Variants in IGF1R observed in about 807,000 individuals in gnomAD.
The protein encoded by IGF1R is insulin-like growth factor 1 receptor.
A neutral mutation model predicts 144.6 loss-of-function variants in IGF1R; 44 were observed. That is an observed-to-expected ratio of 0.30 (90% CI 0.24 to 0.39). The LOEUF (loss-of-function observed/expected upper bound fraction) is 0.39. Among genes scored for constraint, IGF1R ranks in the 10% least tolerant of loss-of-function variants. The pLI is 1.00. For missense variants in IGF1R, 1,355 were observed against 1,833.7 expected, an observed-to-expected ratio of 0.74 and a Z score of 4.77; for synonymous variants, 795 against 722.8, an observed-to-expected ratio of 1.10 and a Z score of -1.60.
At chr15:98,706,396 A>G (rs1167262403) in intron 1 of IGF1R, among the ~76,000 whole-genome samples, 2 of 152,270 alleles carry the variant, frequency 1.3e-5, no homozygotes, top group African/African-American at 2.4e-5. Flanking sequence ...AATTTAGAAA[A>G]TAAGTCATCC....
At chr15:98,908,272 G>C (rs74032103) in intron 5 of IGF1R, among the ~76,000 whole-genome samples, 1,894 of 152,314 alleles carry the variant, frequency 0.012, 55 homozygotes, top group African/African-American at 0.044. Flanking sequence ...TGGATAATGG[G>C]AGACTTTAGA....
intron 2 of IGF1R, among the ~76,000 whole-genome samples, chr15:98,730,864 A>T (rs1409620753): frequency 2.0e-5 from 3 of 152,180 alleles, no homozygotes; most frequent in African/African-American, 7.2e-5. Flanking sequence ...TTACAGAAAT[A>T]TTAAAGAATA....
chr15:98,670,366 T>C (rs888569955), intron 1 of IGF1R, among the ~76,000 whole-genome samples: 7 of 151,968 alleles, frequency 4.6e-5, no homozygotes, highest in Admixed American at 4.6e-4. Flanking sequence ...ACTTTAAAAA[T>C]GTATTTTGGG....
chr15:98,941,028 A>G (rs955257644), intron 18 of IGF1R, among the ~76,000 whole-genome samples: 1 of 152,168 alleles, frequency 6.6e-6, no homozygotes, highest in Non-Finnish European at 1.5e-5. Context: ...TAGAACTCAC[A>G]TTGTCCCCGT....
rs760639369 is a variant in IGF1R at position 98,924,613 on chromosome 15, G to A, written c.2711G>A (p.Arg904Gln). 12 of 1,614,004 alleles carry A rather than the reference G, an allele frequency of 7.4e-6. No individual in the cohort carries two copies. The highest frequency in any genetic ancestry group is 2.2e-5 in the South Asian group (2 of 91,094). The change falls in exon 13 of 21, where the codon CGG becomes CAG. Residue 904 changes from arginine (R) to glutamine (Q), a missense_variant. Arg to Gln is a conservative substitution (Grantham distance 43, BLOSUM62 1). Around this residue, in one of 7 missense-constraint regions of IGF1R, gnomAD observed 880 missense variants for 1,202.7 expected, o/e 0.73. Coordinates refer to ENST00000650285, the MANE Select transcript of IGF1R (RefSeq NM_000875.5). ...NRLNPGNYTA[R>Q]IQATSLSGNG... ...CTAAACCCGGGGAACTACACAGCCC[G>A]GATTCAGGCCACATCTCTCTCTGGG...
At chr15:98,728,017 T>TTG (rs1488272042) in intron 2 of IGF1R, among the ~76,000 whole-genome samples, 6 of 150,500 alleles carry the variant, frequency 4.0e-5, no homozygotes, top group East Asian at 3.9e-4. Context: ...GTTTTTTTTT[T>TTG]TTTTTTTTTT....
At chr15:98,717,994 C>T (rs1001081147) in intron 2 of IGF1R, among the ~76,000 whole-genome samples, 4 of 152,088 alleles carry the variant, frequency 2.6e-5, no homozygotes, top group African/African-American at 9.7e-5. Flanking sequence ...TATGTGCGTA[C>T]CACTTTATTC....
chr15:98,881,636 A>G (rs1033070214), intron 2 of IGF1R, among the ~76,000 whole-genome samples: 1 of 152,102 alleles, frequency 6.6e-6, no homozygotes, highest in African/African-American at 2.4e-5. Flanking sequence ...CCTTCCTTTT[A>G]GACAATAGAA....
At chr15:98,748,654 C>A (rs983614240) in intron 2 of IGF1R, among the ~76,000 whole-genome samples, 1 of 152,276 alleles carries the variant, frequency 6.6e-6, no homozygotes, top group East Asian at 1.9e-4. Context: ...TAAAACAAAT[C>A]GCTTCTATGA....
At chr15:98,870,222 G>A (rs548820194) in intron 2 of IGF1R, among the ~76,000 whole-genome samples, 35 of 152,244 alleles carry the variant, frequency 2.3e-4, no homozygotes, top group African/African-American at 7.9e-4. Flanking sequence ...TTTTCATCTC[G>A]CACAACTGAA....
chr15:98,665,242 C>T (rs1254924336), intron 1 of IGF1R, among the ~76,000 whole-genome samples: 2 of 152,168 alleles, frequency 1.3e-5, no homozygotes, highest in Non-Finnish European at 2.9e-5. Context: ...TGAGCCACCG[C>T]GCCCGGCAGG....
intron 2 of IGF1R, among the ~76,000 whole-genome samples, chr15:98,775,844 T>G (rs72769848): frequency 0.055 from 8,313 of 152,326 alleles, 278 homozygotes; most frequent in East Asian, 0.12. Context: ...CAAGTTCCCA[T>G]GTGATCCTTT....
At chr15:98,746,358 G>A (rs1184204464) in intron 2 of IGF1R, among the ~76,000 whole-genome samples, 6 of 152,188 alleles carry the variant, frequency 3.9e-5, no homozygotes, top group African/African-American at 1.2e-4. Flanking sequence ...CTCCTCAGGT[G>A]CAGGGTTCTC....
intron 1 of IGF1R, among the ~76,000 whole-genome samples, chr15:98,656,320 T>C (rs2052483484): frequency 6.6e-6 from 1 of 152,152 alleles, no homozygotes; most frequent in Non-Finnish European, 1.5e-5. Context: ...GAGGCCAAGG[T>C]GGGCAGATCA....
intron 2 of IGF1R, among the ~76,000 whole-genome samples, chr15:98,867,324 G>A (rs529490555): frequency 1.1e-4 from 17 of 152,214 alleles, no homozygotes; most frequent in African/African-American, 3.6e-4. Flanking sequence ...TTTCTTAAAG[G>A]CAAAAAGCAC....
At chr15:98,834,686 C>T (rs569573815) in intron 2 of IGF1R, among the ~76,000 whole-genome samples, 2 of 152,252 alleles carry the variant, frequency 1.3e-5, no homozygotes, top group African/African-American at 4.8e-5. Flanking sequence ...CATCACTAGA[C>T]GAGCCAAGCG....
At chr15:98,718,226 C>T (rs895345089) in intron 2 of IGF1R, among the ~76,000 whole-genome samples, 3 of 152,198 alleles carry the variant, frequency 2.0e-5, no homozygotes, top group African/African-American at 7.2e-5. Context: ...GTTTCTTTGC[C>T]TTGGTCACAA....
intron 2 of IGF1R, among the ~76,000 whole-genome samples, chr15:98,775,800 G>C (rs1038816857): frequency 3.3e-5 from 5 of 152,198 alleles, no homozygotes; most frequent in Admixed American, 6.5e-5. Context: ...AGCAGGTCTC[G>C]GGCTGGTTGG....
chr15:98,665,945 A>G (rs577114943), intron 1 of IGF1R, among the ~76,000 whole-genome samples: 6 of 152,312 alleles, frequency 3.9e-5, no homozygotes, highest in East Asian at 1.9e-4. Context: ...AATATTGCCT[A>G]TGGTGGTATT....
Sources: allele counts gnomAD v4.1 joint callset (sites outside exome capture counted in the v4.1 genomes callset), GRCh38; gene constraint gnomAD v4.1.1; regional missense constraint gnomAD v4.1.1; transcripts MANE v1.5; gene names NCBI Gene and HGNC (gene_info 2026-07-23, HGNC 2026-07-21).